The following FGFR2 variants were observed in gnomAD, a reference collection of about 807,000 sequenced individuals.
The protein encoded by FGFR2 is BEK fibroblast growth factor receptor.
Under a neutral mutation model 95.9 loss-of-function variants are expected in FGFR2, and 19 were observed. The observed-to-expected ratio is 0.20, with a 90% CI of 0.14 to 0.29. The LOEUF is 0.29. Among genes scored for constraint, FGFR2 ranks in the 10% least tolerant of loss-of-function variants. The pLI, the probability that FGFR2 is intolerant of heterozygous loss-of-function variation, is 1.00. For missense variants in FGFR2, 707 were observed against 1,056.9 expected (o/e 0.67, Z 4.59); for synonymous variants, 392 against 393.3 (o/e 1.00, Z 0.04).
chr10:121,546,218 TAAG>T (rs1854497237), intron 5 of FGFR2, among the ~76,000 whole-genome samples: 2 of 149,746 alleles, frequency 1.3e-5, no homozygotes, highest in Non-Finnish European at 2.9e-5. Context: ...TGCTGTTGTT[TAAG>T]AAGAGAAATG....
chr10:121,526,675 T>C (rs922022482), intron 6 of FGFR2: 1 of 398,516 alleles, frequency 2.5e-6, no homozygotes, highest in South Asian at 1.3e-4. Context: ...GTATCTTGGC[T>C]TGTCACCTCC....
chr10:121,577,178 TAG>T (rs1169688456), intron 2 of FGFR2, among the ~76,000 whole-genome samples: 45 of 5,206 alleles, frequency 8.6e-3, no homozygotes, highest in African/African-American at 0.025. Context: ...TATATATATA[TAG>T]AGAGAGAGAG....
At chr10:121,591,881 A>G (rs1862710753) in intron 2 of FGFR2, among the ~76,000 whole-genome samples, 1 of 152,224 alleles carries the variant, frequency 6.6e-6, no homozygotes, top group Non-Finnish European at 1.5e-5. Flanking sequence ...AAATTCTTAC[A>G]CAAAGACTCA....
chr10:121,536,522 G>A (rs762591283), intron 6 of FGFR2, among the ~76,000 whole-genome samples: 14 of 152,002 alleles, frequency 9.2e-5, no homozygotes, highest in African/African-American at 2.2e-4. Context: ...TGAATCATAC[G>A]CTCTTTTCAA....
chr10:121,595,062 A>C (rs893571318), intron 1 of FGFR2, among the ~76,000 whole-genome samples: 1 of 152,250 alleles, frequency 6.6e-6, no homozygotes, highest in Non-Finnish European at 1.5e-5. Context: ...TTAGAGAATG[A>C]TTAAAACAAT....
intron 2 of FGFR2, among the ~76,000 whole-genome samples, chr10:121,581,510 G>C (rs1860857834): frequency 6.7e-6 from 1 of 150,214 alleles, no homozygotes; most frequent in African/African-American, 2.4e-5. Context: ...AGGCCAAGGT[G>C]GGAGGATCGC....
At chr10:121,492,198 T>A (rs753364597) in intron 13 of FGFR2, among the ~76,000 whole-genome samples, 36 of 152,094 alleles carry the variant, frequency 2.4e-4, no homozygotes, top group Non-Finnish European at 3.2e-4. Flanking sequence ...AAAAACAAAC[T>A]GCTCAGGTTT....
chr10:121,538,762 A>C (rs894486900), intron 5 of FGFR2, 47 bp from the exon 6 acceptor site: 3 of 1,613,326 alleles, frequency 1.9e-6, no homozygotes, highest in Non-Finnish European at 2.5e-6. Flanking sequence ...CCTAGCACAG[A>C]ATACCAAGTA....
chr10:121,484,519 C>T (rs772805598), intron 16 of FGFR2, among the ~76,000 whole-genome samples: 19 of 152,068 alleles, frequency 1.2e-4, no homozygotes, highest in Non-Finnish European at 1.5e-4. Context: ...CACGGTACAC[C>T]GAAAAGCACT....
Position 121,503,904 on chromosome 10 carries a change from G to T in FGFR2, c.1325C>A (p.Thr442Asn), listed in dbSNP as rs368002690. Residue 442 changes from threonine to asparagine, a missense_variant, in exon 10 of 18, where the codon ACC (threonine) becomes AAC (asparagine). Physicochemically the swap from Thr to Asn is moderately conservative, Grantham distance 65. Around this residue, in one of 7 missense-constraint regions of FGFR2, gnomAD observed 194 missense variants for 267.3 expected, o/e 0.73. Transcript: ENST00000358487. ...GCGTGTTGTTATCCTCACCAGCGGGGTGTTGGAGTTCATGGAGGAGCTGGA... is the reference window on the plus strand; with the variant it reads ...GCGTGTTGTTATCCTCACCAGCGGGTTGTTGGAGTTCATGGAGGAGCTGGA... ...AESSSSMNSN[T>N]PLVRITTRLS... The T allele has an allele frequency of 2.5e-6, 4 of 1,614,106 alleles. No homozygotes were observed. Among genetic ancestry groups the T allele is most frequent in the Non-Finnish European group, 2.5e-6 (3 of 1,180,008 alleles).
chr10:121,496,992 A>G (rs564726087), intron 12 of FGFR2, among the ~76,000 whole-genome samples: 1 of 151,784 alleles, frequency 6.6e-6, no homozygotes, highest in African/African-American at 2.4e-5. Context: ...TTAGCTGGGC[A>G]TGGTGACACA....
rs141151303 is a variant in FGFR2, at chr10:121,519,227, C to T, written c.939+752G>A. ...TCCATGAGCAACTAGACATGGGAGG[C>T]GTGGTAGGCAAGGAGTTAAGAGCCA... is the stretch of plus-strand genomic sequence containing the variant. On this transcript the variant is annotated intron_variant, in intron 7 of 17. Coordinates refer to ENST00000358487, the MANE Select transcript of FGFR2 (RefSeq NM_000141.5). Among the ~76,000 whole-genome samples the T allele has an allele frequency of 4.6e-5, 7 of 152,196 alleles. No individual in the cohort carries two copies. In the East Asian group the frequency reaches 9.7e-4, roughly 21 times the overall value.
intron 9 of FGFR2, among the ~76,000 whole-genome samples, chr10:121,513,355 A>T (rs1211256122): frequency 6.6e-6 from 1 of 152,230 alleles, no homozygotes; most frequent in African/African-American, 2.4e-5. Context: ...TCTTAGATGG[A>T]CAGTGAAGAA....
chr10:121,516,133 G>T (rs1849679440), intron 8 of FGFR2, among the ~76,000 whole-genome samples: 1 of 151,992 alleles, frequency 6.6e-6, no homozygotes, highest in Non-Finnish European at 1.5e-5. Flanking sequence ...CTTCTTCTTA[G>T]TCCTCGATGA....
At chr10:121,571,538 C>T (rs1278290070) in intron 2 of FGFR2, among the ~76,000 whole-genome samples, 2 of 150,168 alleles carry the variant, frequency 1.3e-5, no homozygotes, top group Admixed American at 6.6e-5. Flanking sequence ...AACTCCTCAG[C>T]TCAGGCAATC....
intron 13 of FGFR2, among the ~76,000 whole-genome samples, chr10:121,488,849 C>T (rs550943630): frequency 7.9e-5 from 12 of 152,218 alleles, no homozygotes; most frequent in East Asian, 1.9e-4. Flanking sequence ...TTTTCAGAAG[C>T]GTTGGTTAAA....
chr10:121,500,216 C>T (rs568109090), intron 11 of FGFR2, among the ~76,000 whole-genome samples: 7 of 152,308 alleles, frequency 4.6e-5, no homozygotes, highest in Non-Finnish European at 7.3e-5. Context: ...GGAAGGTTAA[C>T]GTAGAAGTGT....
At chr10:121,592,348 G>GT (rs1326731963) in intron 2 of FGFR2, among the ~76,000 whole-genome samples, 1 of 152,136 alleles carries the variant, frequency 6.6e-6, no homozygotes, top group Admixed American at 6.5e-5. Context: ...CCAAGAGGCA[G>GT]TTCCATAATC....
intron 2 of FGFR2, among the ~76,000 whole-genome samples, chr10:121,573,163 T>A (rs774848355): frequency 6.6e-6 from 1 of 152,228 alleles, no homozygotes; most frequent in Non-Finnish European, 1.5e-5. Flanking sequence ...TTTTCCCGTG[T>A]GGTTTTTGAA....
Sources: allele counts gnomAD v4.1 joint callset (sites outside exome capture counted in the v4.1 genomes callset), GRCh38; gene constraint gnomAD v4.1.1; regional missense constraint gnomAD v4.1.1; transcripts MANE v1.5; gene names NCBI Gene and HGNC (gene_info 2026-07-23, HGNC 2026-07-21).